RELN: variants seen among roughly 807,000 people sequenced by gnomAD.
The protein encoded by RELN is reelin.
A neutral mutation model predicts 427.6 loss-of-function variants in RELN; 108 were observed. The ratio of observed to expected loss-of-function variants is 0.25; its 90% CI spans 0.22 to 0.30. The LOEUF is 0.30. Ranked by LOEUF, RELN falls within the 10% of genes least tolerant of loss-of-function variation. RELN has a pLI of 1.00. For missense variants in RELN, 3,715 were observed against 4,302.8 expected (o/e 0.86, Z 3.82); for synonymous variants, 1,524 against 1,513.4 (o/e 1.01, Z -0.16).
chr7:103,749,893 T>C (rs1024972212), intron 5 of RELN, among the ~76,000 whole-genome samples: 5 of 152,172 alleles, frequency 3.3e-5, no homozygotes, highest in African/African-American at 1.2e-4. Flanking sequence ...CCATATATCG[T>C]GGAAGGGACG....
At chr7:103,801,685 G>A (rs11973815) in intron 3 of RELN, among the ~76,000 whole-genome samples, 37,108 of 151,324 alleles carry the variant, frequency 0.25, 4,600 homozygotes, top group East Asian at 0.34. Context: ...CCTATGTAAC[G>A]AGCCTGCACG....
intron 2 of RELN, among the ~76,000 whole-genome samples, chr7:103,847,055 A>C (rs1330186048): frequency 5.3e-5 from 8 of 152,334 alleles, no homozygotes; most frequent in Non-Finnish European, 1.0e-4. Flanking sequence ...TTGACTCAGC[A>C]ATCCCATCAC....
At chr7:103,746,072 T>G (rs1054244147) in intron 6 of RELN, among the ~76,000 whole-genome samples, 4 of 152,018 alleles carry the variant, frequency 2.6e-5, no homozygotes, top group African/African-American at 9.7e-5. Context: ...AACAGAGATA[T>G]AGACCAATGG....
Position 103,619,096 on chromosome 7 carries a change from G to A in RELN, c.2703-7293C>T, listed in dbSNP as rs151308267. Reference sequence around the variant, plus strand: ...TGCACTCCAGCCTGGGCGACAGAGTGAGACTCCCTCTCAAATTAAAAAAAA... The same window carrying A: ...TGCACTCCAGCCTGGGCGACAGAGTAAGACTCCCTCTCAAATTAAAAAAAA... On this transcript the variant is annotated intron_variant, in intron 20 of 64. Coordinates refer to ENST00000428762, the MANE Select transcript of RELN (RefSeq NM_005045.4). Among the ~76,000 whole-genome samples, 1,122 of 150,424 alleles carry A rather than the reference G, an allele frequency of 7.5e-3. 8 individuals are homozygous for A. The highest frequency in any genetic ancestry group is 0.011 in the Non-Finnish European group (744 of 67,896).
intron 4 of RELN, among the ~76,000 whole-genome samples, chr7:103,754,197 T>A (rs7787575): frequency 0.05 from 7,568 of 151,386 alleles, 651 homozygotes; most frequent in African/African-American, 0.18. Context: ...AAATATCTCA[T>A]TAATAGTTTT....
At chr7:103,725,447 T>TGGGAGGTTGAGGC (rs11267358) in intron 7 of RELN, among the ~76,000 whole-genome samples, 1 of 111,056 alleles carries the variant, frequency 9.0e-6, no homozygotes, top group African/African-American at 3.3e-5. Flanking sequence ...CCCAGCTACT[T>TGGGAGGTTGAGGC]AGGAGGCTGA....
intron 19 of RELN, among the ~76,000 whole-genome samples, chr7:103,634,650 A>G (rs1342698882): frequency 6.6e-6 from 1 of 152,114 alleles, no homozygotes; most frequent in Non-Finnish European, 1.5e-5. Context: ...GACACTATAC[A>G]GGCTAAAAAA....
intron 17 of RELN, among the ~76,000 whole-genome samples, chr7:103,639,646 G>A (rs998040727): frequency 2.6e-5 from 4 of 151,944 alleles, no homozygotes; most frequent in African/African-American, 9.7e-5. Context: ...GTGATCCACT[G>A]CCTCAGCCTC....
At chr7:103,737,743 T>A (rs999998652) in intron 6 of RELN, among the ~76,000 whole-genome samples, 1 of 152,150 alleles carries the variant, frequency 6.6e-6, no homozygotes, top group Non-Finnish European at 1.5e-5. Flanking sequence ...TGCAGCAGAG[T>A]CTGTGATCGC....
chr7:103,905,634 A>G (rs111649906), intron 2 of RELN, among the ~76,000 whole-genome samples: 7 of 152,140 alleles, frequency 4.6e-5, no homozygotes, highest in African/African-American at 1.7e-4. Flanking sequence ...TTATTGGTCT[A>G]TTCATTCAGT....
chr7:103,629,540 A>C (rs1386568442), intron 20 of RELN, among the ~76,000 whole-genome samples: 1 of 152,206 alleles, frequency 6.6e-6, no homozygotes, highest in Non-Finnish European at 1.5e-5. Context: ...TAAAATAGTC[A>C]CTAGAGTGAC....
chr7:103,669,417 C>T (rs975443528), intron 11 of RELN, among the ~76,000 whole-genome samples: 3 of 152,124 alleles, frequency 2.0e-5, no homozygotes, highest in Non-Finnish European at 4.4e-5. Context: ...TAAACACTGG[C>T]TCAAACATGG....
chr7:103,815,802 C>T (rs1261021835), intron 3 of RELN, among the ~76,000 whole-genome samples: 1 of 152,154 alleles, frequency 6.6e-6, no homozygotes, highest in Non-Finnish European at 1.5e-5. Flanking sequence ...ATGAATTGTC[C>T]AAGACTTTGT....
intron 4 of RELN, among the ~76,000 whole-genome samples, chr7:103,770,633 C>T (rs574624753): frequency 1.4e-5 from 2 of 142,460 alleles, no homozygotes; most frequent in Admixed American, 1.5e-4. Context: ...GTGCCTACCT[C>T]TTTCCTTATT....
intron 53 of RELN, among the ~76,000 whole-genome samples, chr7:103,500,474 G>T (rs919592421): frequency 3.3e-5 from 5 of 151,472 alleles, no homozygotes; most frequent in Admixed American, 2.0e-4. Flanking sequence ...AAAATAGTCT[G>T]CTTAAGAAAA....
chr7:103,542,855 A>T lies in RELN; in HGVS notation c.6547T>A (p.Leu2183Ile), dbSNP rs754479598. The T allele has an allele frequency of 1.2e-6, 2 of 1,614,172 alleles. No homozygotes were observed. The highest frequency in any genetic ancestry group is 2.2e-5 in the South Asian group (2 of 91,088). Reference sequence around the variant, plus strand: ...GATGGTTTCCCACCACTCATTAATAAGAATCTATCAGATTCTAGCTGACCT... The same window carrying T: ...GATGGTTTCCCACCACTCATTAATATGAATCTATCAGATTCTAGCTGACCT... The part of the protein sequence containing the change: ...FEGQLESDRF[L>I]LMSGGKPSRK... Residue 2183 changes from leucine (L) to isoleucine (I), a missense_variant, in exon 43 of 65, where the codon TTA becomes ATA. Around this residue, in one of 4 missense-constraint regions of RELN, gnomAD observed 1,310 missense variants for 1,643.0 expected, o/e 0.80. Coordinates refer to ENST00000428762, the MANE Select transcript of RELN (RefSeq NM_005045.4).
intron 16 of RELN, among the ~76,000 whole-genome samples, chr7:103,644,529 T>C (rs1198172354): frequency 6.7e-6 from 1 of 148,652 alleles, no homozygotes; most frequent in East Asian, 2.0e-4. Context: ...GCAGAAGAAA[T>C]AATCTCAGAG....
chr7:103,829,704 T>C (rs1202478261), intron 3 of RELN, among the ~76,000 whole-genome samples: 1 of 151,940 alleles, frequency 6.6e-6, no homozygotes, highest in East Asian at 1.9e-4. Flanking sequence ...GCAGCCCAAA[T>C]GACTATGTGG....
At chr7:103,857,723 T>G (rs1195054950) in intron 2 of RELN, among the ~76,000 whole-genome samples, 4 of 152,144 alleles carry the variant, frequency 2.6e-5, no homozygotes, top group Non-Finnish European at 4.4e-5. Context: ...AAGTGCTCCT[T>G]AGAGGACCGC....
Sources: gnomAD v4.1 joint callset for allele counts (sites outside exome capture counted in the v4.1 genomes callset) on GRCh38, gnomAD v4.1.1 for gene constraint, gnomAD v4.1.1 regional missense constraint, MANE v1.5 for transcripts, NCBI Gene and HGNC (gene_info 2026-07-23, HGNC 2026-07-21) for gene names.